PSG8: variants seen among roughly 807,000 people sequenced by gnomAD.
PSG8 encodes the protein pregnancy-specific beta-1-glycoprotein 8.
A neutral mutation model predicts 42.5 loss-of-function variants in PSG8; 57 were observed. The observed-to-expected ratio is 1.34, with a 90% CI of 1.08 to 1.67. PSG8 has a LOEUF of 1.67. Ranked by LOEUF, PSG8 falls within the 40% of genes most tolerant of loss-of-function variation. PSG8 has a pLI of 0.00. For missense variants in PSG8, 783 were observed against 518.6 expected (o/e 1.51, Z -4.95); for synonymous variants, 280 against 196.8 (o/e 1.42, Z -3.54).
At chr19:42,761,115 G>A (rs1184683417) in intron 2 of PSG8, among the ~76,000 whole-genome samples, 4 of 152,120 alleles carry the variant, frequency 2.6e-5, no homozygotes, top group African/African-American at 4.8e-5. Context: ...TGGTGAGTCC[G>A]TGCAAAGATT....
intron 2 of PSG8, chr19:42,763,672 G>A (rs1322797321): frequency 2.8e-6 from 2 of 719,876 alleles, no homozygotes; most frequent in South Asian, 3.5e-5. Flanking sequence ...TCCTCCTGCT[G>A]AGTCCCCCCA....
intron 2 of PSG8, among the ~76,000 whole-genome samples, chr19:42,761,666 T>G (rs948912151): frequency 2.0e-5 from 3 of 152,000 alleles, no homozygotes; most frequent in African/African-American, 7.2e-5. Context: ...GCAGTACTTA[T>G]TTTTTAGTCC....
chr19:42,761,820 AT>A (rs58868359), intron 2 of PSG8, among the ~76,000 whole-genome samples: 2,133 of 69,758 alleles, frequency 0.031, 5 homozygotes, highest in East Asian at 0.17. Flanking sequence ...CATTTCAATA[AT>A]TTTTTTTTTT....
Position 42,755,070 on chromosome 19 carries a change from T to G in PSG8, c.906A>C (p.Arg302Ser), listed in dbSNP as rs1969885426. Residue 302 changes from arginine to serine, a missense_variant, in exon 4 of 5, where the codon AGA (arginine) becomes AGC (serine). Physicochemically the swap from Arg to Ser is moderately radical, Grantham distance 110. Coordinates refer to ENST00000306511, the MANE Select transcript of PSG8 (RefSeq NM_182707.3). Reference protein sequence around the residue: ...NRILILPSVTRNETGPYQCEI... With the variant: ...NRILILPSVTSNETGPYQCEI... The stretch of plus-strand genomic sequence containing the variant: ...CACATTGATAGGGTCCTGTTTCATT[T>G]CTCGTGACACTGGGTAGAATGAGGA... The G allele has an allele frequency of 6.2e-7, 1 of 1,612,532 alleles. No individual in the cohort carries two copies.
rs751980064 is a variant in PSG8 at position 42,755,013 on chromosome 19, A to G, written c.963T>C (p.Ser321=). ...AGAGGACATTCAGGGTGACTGGGTA[A>G]CTGCGGATGCCACCATATTGGTCCC... ...EIRDQYGGIR[S]YPVTLNVLYG... The change falls in exon 4 of 5, where the codon AGT becomes AGC. Residue 321 remains serine (S), a synonymous_variant. Coordinates refer to ENST00000306511, the MANE Select transcript of PSG8 (RefSeq NM_182707.3). 1 of 1,613,462 alleles carries G rather than the reference A, an allele frequency of 6.2e-7. No homozygotes were observed. Among genetic ancestry groups the G allele is most frequent in the Non-Finnish European group, 8.5e-7 (1 of 1,179,794 alleles).
chr19:42,758,230 C>T lies in PSG8; in HGVS notation c.481G>A (p.Ala161Thr), dbSNP rs771369931. Residue 161 changes from alanine to threonine, a missense_variant, in exon 3 of 5, where the codon GCC becomes ACC. By Grantham distance (58) the Ala-to-Thr change is moderately conservative. Coordinates refer to ENST00000306511, the MANE Select transcript of PSG8 (RefSeq NM_182707.3). Reference protein sequence around the residue: ...ISSSKLNPREAMEAVSLTCDP... With the variant: ...ISSSKLNPRETMEAVSLTCDP... The stretch of plus-strand genomic sequence containing the variant: ...CAGGTTAAGCTCACAGCCTCCATGG[C>T]CTCCCTGGGGTTTAATTTGCTGCTG... 14 of 1,613,926 alleles carry T rather than the reference C, an allele frequency of 8.7e-6. 1 individual carries two copies. The highest frequency in any genetic ancestry group is 5.3e-5 in the African/African-American group (4 of 74,896).
chr19:42,755,498 G>T, intron 3 of PSG8: 1 of 902,874 alleles, frequency 1.1e-6, no homozygotes, highest in Non-Finnish European at 1.6e-6. Context: ...CAATTGAGCA[G>T]CAGTGTTGGG....
At chr19:42,757,488 C>T (rs1969955415) in intron 3 of PSG8, among the ~76,000 whole-genome samples, 1 of 151,904 alleles carries the variant, frequency 6.6e-6, no homozygotes, top group Admixed American at 6.6e-5. Flanking sequence ...ATCAATCAGC[C>T]AAGAATGCTC....
chr19:42,755,066 C>A lies in PSG8; in HGVS notation c.910G>T (p.Glu304Ter). Residue 304 changes from glutamate (E) to a stop codon, truncating the protein, a stop_gained, in exon 4 of 5, where the codon GAA becomes TAA. Coordinates refer to ENST00000306511, the MANE Select transcript of PSG8 (RefSeq NM_182707.3). LOFTEE classifies it high-confidence loss of function. ...ATTTCACATTGATAGGGTCCTGTTTCATTTCTCGTGACACTGGGTAGAATG... is the reference window on the plus strand; with the variant it reads ...ATTTCACATTGATAGGGTCCTGTTTAATTTCTCGTGACACTGGGTAGAATG... ...ILILPSVTRN[E>*]TGPYQCEIRD... The A allele has an allele frequency of 1.9e-6, 3 of 1,612,622 alleles. No individual in the cohort carries two copies. Among genetic ancestry groups the A allele is most frequent in the Non-Finnish European group, 2.5e-6 (3 of 1,179,792 alleles).
intron 2 of PSG8, 26 bp from the exon 3 acceptor site, chr19:42,758,306 G>A: frequency 1.2e-6 from 2 of 1,605,842 alleles, no homozygotes; most frequent in Non-Finnish European, 1.7e-6. Context: ...AGAGAAGATT[G>A]CCCTGTGTGG....
At chr19:42,753,052 C>G (rs1969820666), downstream of PSG8, 4 of 577,596 alleles carry the variant, frequency 6.9e-6, no homozygotes, top group South Asian at 8.5e-5. Context: ...AAGAGGCAGG[C>G]ATGAGCAAGG....
intron 2 of PSG8, among the ~76,000 whole-genome samples, chr19:42,761,608 A>G (rs1970075220): frequency 6.6e-6 from 1 of 152,044 alleles, no homozygotes; most frequent in Non-Finnish European, 1.5e-5. Flanking sequence ...ATTTAAGGGC[A>G]AACAGATCAT....
In PSG8 at chr19:42,754,354, A is replaced by G. The variant is rs1969855788; in HGVS notation, c.1222T>C (p.Ser408Pro). 6.2e-7 allele frequency: 1 copy of G among 1,613,796 alleles called. No individual in the cohort carries two copies. ...NSATGKESSK[S>P]MTVKVSGKRI... ...TTACCAGAGACTTTTACTGTCATGGATTTGGAGCTTTCCTTGCCAGTGGCT... is the reference window on the plus strand; with the variant it reads ...TTACCAGAGACTTTTACTGTCATGGGTTTGGAGCTTTCCTTGCCAGTGGCT... The change falls in exon 5 of 5, where the codon TCC becomes CCC. Residue 408 changes from serine (S) to proline (P), a missense_variant. Coordinates refer to ENST00000306511, the MANE Select transcript of PSG8 (RefSeq NM_182707.3).
At chr19:42,762,439 T>A (rs1017732801) in intron 2 of PSG8, among the ~76,000 whole-genome samples, 1 of 152,060 alleles carries the variant, frequency 6.6e-6, no homozygotes, top group Admixed American at 6.5e-5. Flanking sequence ...GGTGTCAGCC[T>A]CTGAAGGACA....
rs1969857933 is a variant in PSG8, at chr19:42,754,399, C to T, written c.1177G>A (p.Ala393Thr). The T allele has an allele frequency of 1.9e-6, 3 of 1,613,686 alleles. No homozygotes were observed. Among genetic ancestry groups the T allele is most frequent in the Non-Finnish European group, 2.5e-6 (3 of 1,179,796 alleles). Residue 393 changes from alanine to threonine, a missense_variant, in exon 5 of 5, where the codon GCT (alanine) becomes ACT (threonine). Coordinates refer to ENST00000306511, the MANE Select transcript of PSG8 (RefSeq NM_182707.3). ...QITTKHSGLYACSVRNSATGK... is the reference protein window; with the variant it reads ...QITTKHSGLYTCSVRNSATGK... ...GTGGCTGAGTTACGAACAGAGCAAG[C>T]ATAGAGCCCGCTATGCTTTGTAGTA... is the stretch of plus-strand genomic sequence containing the variant.
At chr19:42,755,333 A>G (rs1466917765) in intron 3 of PSG8, 67 bp from the exon 4 acceptor site, 5 of 1,581,818 alleles carry the variant, frequency 3.2e-6, no homozygotes, top group Admixed American at 3.5e-5. Context: ...GCATCCTTCA[A>G]TCAGAGTTGG....
In PSG8 at chr19:42,755,198, A is replaced by G. The variant is rs894494535; in HGVS notation, c.778T>C (p.Phe260Leu). ...TTCTCACTCTTAGGTTCACAGGTGA[A>G]GTTTAAGACATCCTTATTCTCCCTG... is the stretch of plus-strand genomic sequence containing the variant. Reference protein sequence around the residue: ...KPRENKDVLNFTCEPKSENYT... With the variant: ...KPRENKDVLNLTCEPKSENYT... The change falls in exon 4 of 5, where the codon TTC becomes CTC. Residue 260 changes from phenylalanine (F) to leucine (L), a missense_variant. By Grantham distance (22) the Phe-to-Leu change is conservative. Coordinates refer to ENST00000306511, the MANE Select transcript of PSG8 (RefSeq NM_182707.3). The G allele has an allele frequency of 3.1e-6, 5 of 1,611,824 alleles. No individual in the cohort carries two copies. In the African/African-American group the frequency reaches 5.3e-5, roughly 17 times the overall value.
At chr19:42,765,201 G>C (rs1184481075) in intron 1 of PSG8, among the ~76,000 whole-genome samples, 1 of 149,050 alleles carries the variant, frequency 6.7e-6, no homozygotes, top group Non-Finnish European at 1.5e-5. Context: ...CTCCCAGGCT[G>C]GCGTGCGATG....
At chr19:42,754,108 G>A (rs957805306), downstream of PSG8, 19 of 1,220,648 alleles carry the variant, frequency 1.6e-5, no homozygotes, top group Admixed American at 2.7e-5. Flanking sequence ...TGAAATCAAT[G>A]TTTTTCCTGC....
Sources: allele counts gnomAD v4.1 joint callset (sites outside exome capture counted in the v4.1 genomes callset), GRCh38; gene constraint gnomAD v4.1.1; transcripts MANE v1.5; gene names NCBI Gene and HGNC (gene_info 2026-07-23, HGNC 2026-07-21).